The following F5 variants were observed in gnomAD, a reference collection of about 807,000 sequenced individuals.
The protein encoded by F5 is activated protein c cofactor.
A neutral mutation model predicts 216.4 loss-of-function variants in F5; 138 were observed. That is an observed-to-expected ratio of 0.64 (90% CI 0.56 to 0.73). F5 has a LOEUF of 0.73. Ranked by LOEUF, F5 falls within the 30% of genes least tolerant of loss-of-function variation. The pLI is 0.00. For missense variants in F5, 2,403 were observed against 2,674.0 expected, an observed-to-expected ratio of 0.90 and a Z score of 2.24; for synonymous variants, 916 against 930.7, an observed-to-expected ratio of 0.98 and a Z score of 0.29.
At chr1:169,562,197 T>C (rs1185531906) in intron 3 of F5, among the ~76,000 whole-genome samples, 1 of 152,158 alleles carries the variant, frequency 6.6e-6, no homozygotes, top group Non-Finnish European at 1.5e-5. Flanking sequence ...TTGTAGCCAA[T>C]GCCCTCTGGG....
At chr1:169,549,243 G>C (rs1660097000) in intron 10 of F5, among the ~76,000 whole-genome samples, 2 of 152,160 alleles carry the variant, frequency 1.3e-5, no homozygotes, top group Admixed American at 6.6e-5. Flanking sequence ...CAGAAATTCA[G>C]TATCTTTGTT....
intron 22 of F5, 124 bp from the exon 23 acceptor site, chr1:169,518,687 T>C (rs1286950589): frequency 6.4e-6 from 7 of 1,086,234 alleles, no homozygotes; most frequent in South Asian, 5.4e-5. Context: ...ACCACAACAA[T>C]GAAGATTTAT....
At chr1:169,530,726 T>C in intron 15 of F5, 60 bp downstream of exon 15, 1 of 1,421,532 alleles carries the variant, frequency 7.0e-7, no homozygotes, top group Non-Finnish European at 9.9e-7. Context: ...CTCTTCCATT[T>C]GGTGGACTTC....
At chr1:169,527,771 A>C in intron 17 of F5, 144 bp downstream of exon 17, 1 of 1,000,714 alleles carries the variant, frequency 1.0e-6, no homozygotes, top group Non-Finnish European at 1.5e-6. Context: ...CTTTGGGTCT[A>C]TGGGTTTGCC....
chr1:169,545,039 T>C (rs1485903144), intron 11 of F5, among the ~76,000 whole-genome samples: 2 of 152,258 alleles, frequency 1.3e-5, no homozygotes, highest in African/African-American at 4.8e-5. Context: ...GTAGGCAATA[T>C]TTTTATTTAC....
At chr1:169,557,173 G>A (rs1248890756) in intron 5 of F5, among the ~76,000 whole-genome samples, 1 of 152,204 alleles carries the variant, frequency 6.6e-6, no homozygotes, top group Non-Finnish European at 1.5e-5. Flanking sequence ...AGGGAACCAA[G>A]AAGGTAACCG....
chr1:169,518,266 C>T, intron 23 of F5, 146 bp downstream of exon 23: 1 of 896,810 alleles, frequency 1.1e-6, no homozygotes, highest in Non-Finnish European at 1.8e-6. Flanking sequence ...AGTCCACAGA[C>T]ATCCTGGACT....
intron 3 of F5, among the ~76,000 whole-genome samples, chr1:169,569,695 G>A (rs946037023): frequency 3.3e-5 from 5 of 152,012 alleles, no homozygotes; most frequent in African/African-American, 1.2e-4. Context: ...GTCCTTACAA[G>A]CATTTTTACA....
chr1:169,559,005 T>TTAAAA (rs113008875), intron 5 of F5, 148 bp downstream of exon 5: 1 of 711,222 alleles, frequency 1.4e-6, no homozygotes, highest in Middle Eastern at 4.2e-4. Context: ...ATTTCCTGTT[T>TTAAAA]AAAAAAAAAA....
At chr1:169,566,207 G>A (rs1660597729) in intron 3 of F5, among the ~76,000 whole-genome samples, 1 of 152,050 alleles carries the variant, frequency 6.6e-6, no homozygotes. Flanking sequence ...CTTGCTACAT[G>A]GCCTCATAAA....
At chr1:169,519,726 T>C (rs1571558145) in intron 22 of F5, among the ~76,000 whole-genome samples, 1 of 152,176 alleles carries the variant, frequency 6.6e-6, no homozygotes, top group Non-Finnish European at 1.5e-5. Context: ...TGATCCCTCT[T>C]CCCACCTCCA....
chr1:169,542,271 G>A lies in F5; in HGVS notation c.2819C>T (p.Ser940Phe). ...ATGCCATCTCCCAACCAAAATCTTA[G>A]ATGAGTTACTTTGTTTTAAGAGTAA... ...DLLLLKQSNS[S>F]KILVGRWHLA... is the part of the protein sequence containing the mutation. Residue 940 changes from serine (S) to phenylalanine (F), a missense_variant, in exon 13 of 25, where the codon TCT becomes TTT. Ser to Phe is a radical substitution (Grantham distance 155). Around this residue, in one of 4 missense-constraint regions of F5, gnomAD observed 1,425 missense variants for 1,554.8 expected, o/e 0.92. Transcript: ENST00000367797. The A allele has an allele frequency of 6.2e-7, 1 of 1,614,072 alleles. No homozygotes were observed. Among genetic ancestry groups the A allele is most frequent in the Non-Finnish European group, 8.5e-7 (1 of 1,179,978 alleles).
At chr1:169,551,922 G>A (rs1296638119) in intron 8 of F5, among the ~76,000 whole-genome samples, 1 of 152,136 alleles carries the variant, frequency 6.6e-6, no homozygotes, top group African/African-American at 2.4e-5. Flanking sequence ...TTAGAGAGCT[G>A]CATACCTAGA....
chr1:169,568,724 G>A (rs900368707), intron 3 of F5, among the ~76,000 whole-genome samples: 1 of 151,996 alleles, frequency 6.6e-6, no homozygotes, highest in Admixed American at 6.6e-5. Context: ...GCTTTGTATT[G>A]TATTTATTCT....
chr1:169,575,733 G>A (rs1353473924), intron 2 of F5, among the ~76,000 whole-genome samples: 1 of 152,130 alleles, frequency 6.6e-6, no homozygotes, highest in Non-Finnish European at 1.5e-5. Flanking sequence ...GCTGGGTGGA[G>A]GAGGGTGCCA....
At position 169,552,629 on chromosome 1, in the gene F5, T is replaced by A; in HGVS notation, c.1224A>T (p.Thr408=). ...QYEDESFTKH[T]VNPNMKEDGI... ...CATCTTCTTTCATATTGGGATTCAC[T>A]GTATGTTTGGTGAAGGACTCATCTT... is the stretch of plus-strand genomic sequence containing the variant. Residue 408 remains threonine, a synonymous_variant, in exon 8 of 25, where the codon ACA becomes ACT. Transcript: ENST00000367797. 6.2e-7 allele frequency: 1 copy of A among 1,613,476 alleles called. No individual in the cohort carries two copies. The highest frequency in any genetic ancestry group is 8.5e-7 in the Non-Finnish European group (1 of 1,179,520).
At chr1:169,540,253 A>G (rs1235590440) in intron 13 of F5, 41 bp downstream of exon 13, 2 of 1,602,460 alleles carry the variant, frequency 1.2e-6, no homozygotes, top group African/African-American at 1.3e-5. Context: ...TTTCAGCAGT[A>G]ATGGAAAAAT....
Position 169,559,277 on chromosome 1 carries a change from C to T in F5, c.606G>A (p.Gly202=), listed in dbSNP as rs774980088. Residue 202 remains glycine, a synonymous_variant, in exon 5 of 25, where the codon GGG becomes GGA. Coordinates refer to ENST00000367797, the MANE Select transcript of F5 (RefSeq NM_000130.5). ...ICKKGTLTEG[G]TQKTFDKQIV... is the part of the protein sequence containing the mutation. ...TTTGCTTGTCAAACGTCTTCTGTGT[C>T]CCACCCTCAGTTAGGGTCCCTATGA... The T allele has an allele frequency of 1.9e-6, 3 of 1,613,712 alleles. No individual in the cohort carries two copies. Among genetic ancestry groups the T allele is most frequent in the East Asian group, 4.5e-5 (2 of 44,848 alleles).
chr1:169,578,003 C>G (rs1660902833), intron 2 of F5, among the ~76,000 whole-genome samples: 1 of 152,132 alleles, frequency 6.6e-6, no homozygotes, highest in Non-Finnish European at 1.5e-5. Context: ...ACAAATAACA[C>G]AGGACTAGTC....
Sources: allele counts gnomAD v4.1 joint callset (sites outside exome capture counted in the v4.1 genomes callset), GRCh38; gene constraint gnomAD v4.1.1; regional missense constraint gnomAD v4.1.1; transcripts MANE v1.5; gene names NCBI Gene and HGNC (gene_info 2026-07-23, HGNC 2026-07-21).